CD247: variants seen among roughly 807,000 people sequenced by gnomAD.
The protein encoded by CD247 is CD247 molecule, also known as T-cell surface glycoprotein CD3 zeta chain.
In CD247, 13 loss-of-function variants were observed where a neutral mutation model predicts 30.0. That is an observed-to-expected ratio of 0.43 (90% CI 0.28 to 0.69). CD247 has a LOEUF of 0.69. CD247 is among the 30% of genes least tolerant of loss of function. CD247 has a pLI of 0.16. For missense variants in CD247, 193 were observed against 212.6 expected (o/e 0.91, Z 0.57); for synonymous variants, 72 against 80.0 (o/e 0.90, Z 0.53).
At chr1:167,518,117 C>T (rs1169438018) in intron 1 of CD247, among the ~76,000 whole-genome samples, 2 of 152,166 alleles carry the variant, frequency 1.3e-5, no homozygotes, top group Non-Finnish European at 2.9e-5. Flanking sequence ...GGGCCTGCCT[C>T]GGTTGCTCTC....
intron 1 of CD247, among the ~76,000 whole-genome samples, chr1:167,496,681 T>C (rs1453818302): frequency 6.6e-6 from 1 of 151,872 alleles, no homozygotes; most frequent in African/African-American, 2.4e-5. Flanking sequence ...GAGAAGTGGG[T>C]AAGGGTTGGG....
At chr1:167,495,808 C>T (rs1360623372) in intron 1 of CD247, among the ~76,000 whole-genome samples, 3 of 152,134 alleles carry the variant, frequency 2.0e-5, no homozygotes, top group African/African-American at 7.2e-5. Context: ...TTGGCTTGCT[C>T]GCTCACTTCC....
At chr1:167,467,042 G>T (rs1480676946) in intron 1 of CD247, among the ~76,000 whole-genome samples, 4 of 152,082 alleles carry the variant, frequency 2.6e-5, no homozygotes, top group African/African-American at 9.6e-5. Flanking sequence ...GATTTCACGT[G>T]TTAGCCAGGA....
intron 2 of CD247, 140 bp downstream of exon 2, chr1:167,440,524 C>T: frequency 2.9e-6 from 2 of 695,322 alleles, no homozygotes; most frequent in East Asian, 2.7e-5. Context: ...AAGGCACACA[C>T]TTGGCTGGTC....
Position 167,518,489 on chromosome 1 carries a change from G to C in CD247, c.-24C>G. ...ATCTTGTCCTTTCCCTCAGAAAGAG[G>C]CTGGGAGGCAGAGGCTGAGGCAGCG... is the stretch of plus-strand genomic sequence containing the variant. On this transcript the variant is annotated 5_prime_UTR_variant, in exon 1 of 8. Coordinates refer to ENST00000362089, the MANE Select transcript of CD247 (RefSeq NM_198053.3). 1 of 1,611,906 alleles carries C rather than the reference G, an allele frequency of 6.2e-7. No individual in the cohort carries two copies. Among genetic ancestry groups the C allele is most frequent in the Non-Finnish European group, 8.5e-7 (1 of 1,178,454 alleles).
rs1652442954 is a variant in CD247, at chr1:167,453,044, T to TATATTATAGATATATATTATATAC, written c.59-12278_59-12277insGTATATAATATATATCTATAATAT. Among the ~76,000 whole-genome samples, 3 of 148,368 alleles carry TATATTATAGATATATATTATATAC rather than the reference T, an allele frequency of 2.0e-5. No individual in the cohort carries two copies. The South Asian group carries it at 6.3e-4, about 31-fold the overall frequency. On this transcript the variant is annotated intron_variant, in intron 1 of 7. Coordinates refer to ENST00000362089, the MANE Select transcript of CD247 (RefSeq NM_198053.3). ...ATATTATAGATATATATTATATATA[T>TATATTATAGATATATATTATATAC]ATATATTATAGATATACAGAGAGAA...
rs917098362 is a variant in CD247, at chr1:167,467,134, G to T, written c.59-26367C>A. Reference sequence around the variant, plus strand: ...ATTACAGGCGTGAGCCACCGCGCCCGGCCCCTTTATCCTTTTCAGTCCCAG... The same window carrying T: ...ATTACAGGCGTGAGCCACCGCGCCCTGCCCCTTTATCCTTTTCAGTCCCAG... On this transcript the variant is annotated intron_variant, in intron 1 of 7. Transcript: ENST00000362089. Among the ~76,000 whole-genome samples, 4 of 152,250 alleles carry T rather than the reference G, an allele frequency of 2.6e-5. No individual in the cohort carries two copies. The East Asian group carries it at 7.7e-4, about 29-fold the overall frequency.
At chr1:167,489,766 C>G (rs1428787735) in intron 1 of CD247, among the ~76,000 whole-genome samples, 1 of 152,172 alleles carries the variant, frequency 6.6e-6, no homozygotes, top group Non-Finnish European at 1.5e-5. Context: ...CAGGGCAGCC[C>G]CCTCCTGGGC....
At chr1:167,468,897 T>C (rs1653383503) in intron 1 of CD247, among the ~76,000 whole-genome samples, 1 of 151,990 alleles carries the variant, frequency 6.6e-6, no homozygotes, top group Non-Finnish European at 1.5e-5. Flanking sequence ...AAGTGCTCTC[T>C]TTCCTTCCAA....
intron 1 of CD247, among the ~76,000 whole-genome samples, chr1:167,490,951 A>AATC (rs1479959744): frequency 2.6e-5 from 4 of 151,180 alleles, no homozygotes; most frequent in Non-Finnish European, 4.4e-5. Flanking sequence ...AATAATAATA[A>AATC]ATAATAATAA....
At chr1:167,491,395 C>A (rs1281627239) in intron 1 of CD247, among the ~76,000 whole-genome samples, 1 of 152,096 alleles carries the variant, frequency 6.6e-6, no homozygotes, top group Non-Finnish European at 1.5e-5. Flanking sequence ...ATGGAGAAAC[C>A]CTGTCTCTAC....
At chr1:167,517,609 T>C (rs1187516553) in intron 1 of CD247, among the ~76,000 whole-genome samples, 2 of 152,236 alleles carry the variant, frequency 1.3e-5, no homozygotes, top group African/African-American at 2.4e-5. Flanking sequence ...GCGCTGCTCG[T>C]GGTGGTGACT....
In CD247 at chr1:167,511,750, G is replaced by A. The variant is rs1433051125; in HGVS notation, c.58+6658C>T. ...GGTGTACGGACCTGGGCGAGCGGCT[G>A]CACACTGTTCAAGGTGCAGACCCTG... On this transcript the variant is annotated intron_variant, in intron 1 of 7. Coordinates refer to ENST00000362089, the MANE Select transcript of CD247 (RefSeq NM_198053.3). Among the ~76,000 whole-genome samples, 4 of 152,256 alleles carry A rather than the reference G, an allele frequency of 2.6e-5. No individual in the cohort carries two copies. In the Middle Eastern group the frequency reaches 0.01, roughly 388 times the overall value.
At chr1:167,473,100 C>A (rs1487848527) in intron 1 of CD247, among the ~76,000 whole-genome samples, 1 of 151,418 alleles carries the variant, frequency 6.6e-6, no homozygotes, top group Non-Finnish European at 1.5e-5. Flanking sequence ...TTTACACACA[C>A]ACACACACAC....
At chr1:167,484,556 C>G (rs1197023437) in intron 1 of CD247, among the ~76,000 whole-genome samples, 1 of 152,228 alleles carries the variant, frequency 6.6e-6, no homozygotes, top group Non-Finnish European at 1.5e-5. Context: ...GCGGGCGGAT[C>G]ACCTGAGGTC....
intron 1 of CD247, among the ~76,000 whole-genome samples, chr1:167,497,944 C>T (rs1654759621): frequency 6.6e-6 from 1 of 152,210 alleles, no homozygotes; most frequent in African/African-American, 2.4e-5. Flanking sequence ...CCAAAAAAGC[C>T]TCCTTTACGG....
intron 1 of CD247, among the ~76,000 whole-genome samples, chr1:167,461,017 C>T (rs1358432743): frequency 2.6e-5 from 4 of 152,246 alleles, no homozygotes; most frequent in African/African-American, 4.8e-5. Flanking sequence ...TGTGAGCATT[C>T]GCCTATGACG....
chr1:167,474,489 G>A (rs1653664163), intron 1 of CD247, among the ~76,000 whole-genome samples: 1 of 152,082 alleles, frequency 6.6e-6, no homozygotes, highest in Non-Finnish European at 1.5e-5. Flanking sequence ...ACAGTGGCCA[G>A]GCAGGAATGA....
chr1:167,433,455 G>A (rs901812061), intron 6 of CD247, among the ~76,000 whole-genome samples: 6 of 152,318 alleles, frequency 3.9e-5, no homozygotes, highest in South Asian at 2.1e-4. Context: ...GGCATAGTCA[G>A]TTCAATCACG....
Sources: allele counts gnomAD v4.1 joint callset (sites outside exome capture counted in the v4.1 genomes callset), GRCh38; gene constraint gnomAD v4.1.1; transcripts MANE v1.5; gene names NCBI Gene and HGNC (gene_info 2026-07-23, HGNC 2026-07-21).